TMEM230: variants seen among roughly 807,000 people sequenced by gnomAD.
TMEM230 encodes UPF0414 transmembrane protein C20orf30.
A neutral mutation model predicts 15.8 loss-of-function variants in TMEM230; 10 were observed. That is an observed-to-expected ratio of 0.63 (90% CI 0.39 to 1.07). TMEM230 has a LOEUF of 1.07. Ranked by LOEUF, TMEM230 falls within the 50% of genes least tolerant of loss-of-function variation. The pLI, the probability that TMEM230 is intolerant of heterozygous loss-of-function variation, is 0.01. For synonymous variants in TMEM230, 67 were observed against 76.9 expected, an observed-to-expected ratio of 0.87 and a Z score of 0.68; for missense variants, 165 against 193.3, an observed-to-expected ratio of 0.85 and a Z score of 0.87.
At chr20:5,081,932 G>C (rs530374699) in intron 3 of TMEM230, among the ~76,000 whole-genome samples, 1 of 148,846 alleles carries the variant, frequency 6.7e-6, no homozygotes, top group East Asian at 1.9e-4. Flanking sequence ...GGAGTGCAGT[G>C]GTGCAATCTC....
exon 4 of TMEM230, chr20:5,069,250 C>T (rs536444277): frequency 2.5e-5 from 39 of 1,535,896 alleles, no homozygotes; most frequent in African/African-American, 2.1e-4. Context: ...AGTCCTCCTT[C>T]GGGACTCCTC....
rs377564381 is a variant in TMEM230, at chr20:5,092,169, C to G, written c.222+14019G>C. Among the ~76,000 whole-genome samples the G allele has an allele frequency of 3.5e-4, 54 of 152,208 alleles. 1 individual carries two copies. The South Asian group carries it at 0.011, about 31-fold the overall frequency. ...AACTTCTTTTATTGCTGGTCTGATACGATTGACAAGAGAGAGATTAGTTTC... is the reference window on the plus strand; with the variant it reads ...AACTTCTTTTATTGCTGGTCTGATAGGATTGACAAGAGAGAGATTAGTTTC... On this transcript the variant is annotated intron_variant, in intron 3 of 3. Coordinates refer to the TMEM230 transcript ENST00000612323.
Position 5,100,666 on chromosome 20 carries a change from C to A in TMEM230, c.*125G>T. Reference sequence around the variant, plus strand: ...CATCTTTGGGAAGGACCCAAAAAATCTGGCCATTATTTTCTTAAACATCTG... The same window carrying A: ...CATCTTTGGGAAGGACCCAAAAAATATGGCCATTATTTTCTTAAACATCTG... On this transcript the variant is annotated 3_prime_UTR_variant, in exon 5 of 5. Transcript: ENST00000342308. 2 of 1,478,750 alleles carry A rather than the reference C, an allele frequency of 1.4e-6. No homozygotes were observed. Among genetic ancestry groups the A allele is most frequent in the South Asian group, 1.4e-5 (1 of 70,196 alleles). 91.6% of individuals were successfully genotyped at this position (1,478,750 alleles called of 1,614,324 possible). A position where few individuals can be genotyped will look rare whatever the true frequency, so the allele number is the denominator to read the frequency against.
At chr20:5,072,906 T>C (rs1600271744) in intron 3 of TMEM230, among the ~76,000 whole-genome samples, 1 of 145,288 alleles carries the variant, frequency 6.9e-6, no homozygotes, top group African/African-American at 2.6e-5. Context: ...TGGAGACTGA[T>C]GACTTGAGAA....
intron 3 of TMEM230, among the ~76,000 whole-genome samples, chr20:5,070,295 C>T (rs1293598505): frequency 1.3e-5 from 2 of 152,162 alleles, no homozygotes; most frequent in Non-Finnish European, 2.9e-5. Context: ...CTTGTATTTG[C>T]ATCCAGTTGA....
chr20:5,109,178 C>T (rs929611961), intron 3 of TMEM230, 154 bp downstream of exon 2: 15 of 583,372 alleles, frequency 2.6e-5, no homozygotes, highest in East Asian at 2.0e-4. Context: ...CCCTCTTCTG[C>T]GATTATGGCT....
chr20:5,072,937 T>TAA (rs1338204565), intron 3 of TMEM230, among the ~76,000 whole-genome samples: 1 of 148,438 alleles, frequency 6.7e-6, no homozygotes, highest in African/African-American at 2.5e-5. Context: ...AACAGCACAG[T>TAA]AACTTAGTCT....
At chr20:5,075,300 G>C (rs2088953811) in intron 3 of TMEM230, among the ~76,000 whole-genome samples, 1 of 145,136 alleles carries the variant, frequency 6.9e-6, no homozygotes, top group Non-Finnish European at 1.5e-5. Flanking sequence ...CCTGACCTTA[G>C]GTGATCCACC....
intron 3 of TMEM230, among the ~76,000 whole-genome samples, chr20:5,077,586 C>T (rs972337444): frequency 1.5e-5 from 2 of 137,586 alleles, no homozygotes; most frequent in Non-Finnish European, 3.4e-5. Context: ...GTAATCCCAG[C>T]ACTTTGGGGG....
At chr20:5,063,008 A>C in the TMEM230 span, among the ~76,000 whole-genome samples, 472 of 152,232 alleles carry the variant, frequency 3.1e-3, no homozygotes, top group African/African-American at 0.011. Flanking sequence ...TATTGCCTTC[A>C]TAAGTTACGA....
chr20:5,111,773 G>T (rs1250427765), intron 1 of TMEM230: 1 of 981,688 alleles, frequency 1.0e-6, no homozygotes, highest in Non-Finnish European at 1.2e-6. Flanking sequence ...CCTAGTCTTT[G>T]TTAGATGCCA....
rs1377630326 is a variant in TMEM230, at chr20:5,100,765, A to C, written c.*26T>G. 2 of 1,611,558 alleles carry C rather than the reference A, an allele frequency of 1.2e-6. No individual in the cohort carries two copies. ...TTAAAGCTGGGACAGTTCCACTGTGACTCCTCCTCAGCTATGGGGTGGGTG... is the reference window on the plus strand; with the variant it reads ...TTAAAGCTGGGACAGTTCCACTGTGCCTCCTCCTCAGCTATGGGGTGGGTG... On this transcript the variant is annotated 3_prime_UTR_variant, in exon 5 of 5. Transcript: ENST00000342308.
chr20:5,111,485 T>C (rs1455632955), intron 2 of TMEM230: 1 of 196,314 alleles, frequency 5.1e-6, no homozygotes, highest in Non-Finnish European at 1.1e-5. Flanking sequence ...GGTGGGTGCC[T>C]GTAGTCCCAC....
chr20:5,107,932 C>T (rs761264914), intron 3 of TMEM230, among the ~76,000 whole-genome samples: 16 of 149,500 alleles, frequency 1.1e-4, no homozygotes, highest in African/African-American at 1.7e-4. Flanking sequence ...GCCAACATGG[C>T]GAAACCCCAT....
chr20:5,101,564 G>C (rs892995062), intron 4 of TMEM230, among the ~76,000 whole-genome samples: 5 of 151,946 alleles, frequency 3.3e-5, no homozygotes, highest in Non-Finnish European at 5.9e-5. Context: ...GGAGTTACAG[G>C]TGTCAGTCAC....
At chr20:5,073,815 ACT>A (rs1395704592) in intron 3 of TMEM230, among the ~76,000 whole-genome samples, 1 of 152,130 alleles carries the variant, frequency 6.6e-6, no homozygotes, top group Non-Finnish European at 1.5e-5. Context: ...CACCGGAAGA[ACT>A]CTCTGCCTGT....
In TMEM230 at chr20:5,106,074, GACAAACACACAC is replaced by G. The variant is rs541179261; in HGVS notation, c.411+102_411+113del. ...TCAAAAAAAACAGACCACTGGGACG[GACAAACACACAC>G]ACACACACACACACACACACACACA... On this transcript the variant is annotated intron_variant, in intron 4 of 4. Transcript: ENST00000342308. 7.9e-3 allele frequency: 9,252 copies of G among 1,168,256 alleles called. 85 individuals are homozygous for G. The highest frequency in any genetic ancestry group is 0.045 in the African/African-American group (2,664 of 59,660). The allele number at this position is 1,168,256 out of a possible 1,614,324, so 72.4% of individuals were successfully genotyped here.
At chr20:5,101,163 T>C (rs1203077661) in intron 4 of TMEM230, among the ~76,000 whole-genome samples, 1 of 152,180 alleles carries the variant, frequency 6.6e-6, no homozygotes, top group Non-Finnish European at 1.5e-5. Context: ...TATTTTGGCT[T>C]CTTTTCCTTT....
At chr20:5,069,652 CCTTTCCTCTCCCCTTTCCTTT>C (rs1180790510) in intron 3 of TMEM230, among the ~76,000 whole-genome samples, 5 of 152,044 alleles carry the variant, frequency 3.3e-5, no homozygotes, top group African/African-American at 4.8e-5. Context: ...CCTTTCCTTT[CCTTTCCTCTCCCCTTTCCTTT>C]CTTTCCTCTC....
Sources: gnomAD v4.1 joint callset for allele counts (sites outside exome capture counted in the v4.1 genomes callset) on GRCh38, gnomAD v4.1.1 for gene constraint, MANE v1.5 for transcripts, NCBI Gene and HGNC (gene_info 2026-07-23, HGNC 2026-07-21) for gene names.